Variants in SLC35F3 observed in about 807,000 individuals in gnomAD.
SLC35F3 encodes the protein putative thiamine transporter SLC35F3.
Under a neutral mutation model 49.9 loss-of-function variants are expected in SLC35F3, and 25 were observed. The observed-to-expected ratio is 0.50, with a 90% CI of 0.37 to 0.70. The LOEUF is 0.70. Among genes scored for constraint, SLC35F3 ranks in the 30% least tolerant of loss-of-function variants. The probability of loss-of-function intolerance (pLI) is 0.00; values close to 1 mark genes in which losing one functional copy is unlikely to be tolerated. For synonymous variants in SLC35F3, 275 were observed against 265.4 expected (o/e 1.04, Z -0.35); for missense variants, 525 against 639.8 (o/e 0.82, Z 1.94).
rs146628266 is a variant in SLC35F3, at chr1:234,067,821, A to G, written c.283+162063A>G. Among the ~76,000 whole-genome samples, 376 of 152,312 alleles carry G rather than the reference A, an allele frequency of 2.5e-3. 3 individuals carry two copies. The highest frequency in any genetic ancestry group is 8.5e-3 in the African/African-American group (354 of 41,578). On this transcript the variant is annotated intron_variant, in intron 2 of 7. Coordinates refer to ENST00000366618, the MANE Select transcript of SLC35F3 (RefSeq NM_173508.4). The stretch of plus-strand genomic sequence containing the variant: ...TCCAGTCCTGATTGTTCATTCACAG[A>G]GTGAGGAGCAAATGAAGGGGTCATG...
intron 2 of SLC35F3, among the ~76,000 whole-genome samples, chr1:234,153,844 C>T (rs530805101): frequency 1.8e-4 from 27 of 151,824 alleles, no homozygotes; most frequent in Non-Finnish European, 2.9e-4. Context: ...GAGGCTGAGG[C>T]GGGCGGATCA....
intron 2 of SLC35F3, among the ~76,000 whole-genome samples, chr1:234,151,577 A>T (rs558346067): frequency 6.6e-6 from 1 of 152,184 alleles, no homozygotes; most frequent in South Asian, 2.1e-4. Flanking sequence ...AGAAATGAGG[A>T]AAGAGTTCAA....
chr1:234,203,458 A>G (rs1279814969), intron 2 of SLC35F3, among the ~76,000 whole-genome samples: 1 of 152,188 alleles, frequency 6.6e-6, no homozygotes, highest in Non-Finnish European at 1.5e-5. Flanking sequence ...CATGCCTGTA[A>G]TCCCAGCACT....
At chr1:234,287,539 T>G (rs1311847876) in intron 3 of SLC35F3, among the ~76,000 whole-genome samples, 1 of 152,196 alleles carries the variant, frequency 6.6e-6, no homozygotes, top group Non-Finnish European at 1.5e-5. Context: ...ACTTACTATA[T>G]CCCAGGCACT....
Position 234,231,479 on chromosome 1 carries a change from G to A in SLC35F3, c.346G>A (p.Ala116Thr). Reference sequence around the variant, plus strand: ...GGCCCAGGCACCGGCCGGGGTGGAGGCCGGCGGGAGAGCGAGTCGCCGCTG... The same window carrying A: ...GGCCCAGGCACCGGCCGGGGTGGAGACCGGCGGGAGAGCGAGTCGCCGCTG... Reference protein sequence around the residue: ...AEAQAPAGVEAGGRASRRCWT... With the variant: ...AEAQAPAGVETGGRASRRCWT... Residue 116 changes from alanine (A) to threonine (T), a missense_variant, in exon 3 of 8, where the codon GCC becomes ACC. Physicochemically the swap from Ala to Thr is moderately conservative, Grantham distance 58. Transcript: ENST00000366618. This position sits in a 1 kb window ranked among gnomAD's most constrained non-coding sequence, Gnocchi z 5.4. The A allele has an allele frequency of 6.2e-7, 1 of 1,611,820 alleles. No individual in the cohort carries two copies. Among genetic ancestry groups the A allele is most frequent in the Non-Finnish European group, 8.5e-7 (1 of 1,179,040 alleles).
intron 2 of SLC35F3, among the ~76,000 whole-genome samples, chr1:234,206,250 G>T (rs1461153223): frequency 6.6e-6 from 1 of 152,024 alleles, no homozygotes; most frequent in Non-Finnish European, 1.5e-5. Flanking sequence ...GGTCAGGCTG[G>T]GTCAGGCATT....
At chr1:234,047,278 G>T (rs984659456) in intron 2 of SLC35F3, among the ~76,000 whole-genome samples, 1 of 152,090 alleles carries the variant, frequency 6.6e-6, no homozygotes, top group African/African-American at 2.4e-5. Context: ...CTGGATATTT[G>T]CTCAAACATT....
At chr1:233,980,637 T>G (rs2102821734) in intron 2 of SLC35F3, among the ~76,000 whole-genome samples, 1 of 152,332 alleles carries the variant, frequency 6.6e-6, no homozygotes, top group Non-Finnish European at 1.5e-5. Context: ...ATTCTCAGCT[T>G]GAAATAAGCT....
intron 2 of SLC35F3, among the ~76,000 whole-genome samples, chr1:234,086,624 C>T (rs1050719508): frequency 4.6e-5 from 7 of 152,178 alleles, no homozygotes; most frequent in East Asian, 1.9e-4. Flanking sequence ...TAATTGCACA[C>T]GGGCTGATTG....
At chr1:234,062,124 C>T (rs1480326750) in intron 2 of SLC35F3, among the ~76,000 whole-genome samples, 3 of 152,202 alleles carry the variant, frequency 2.0e-5, no homozygotes, top group East Asian at 3.8e-4. Flanking sequence ...TCTCCCCATC[C>T]CTAGGACTTG....
Position 234,033,578 on chromosome 1 carries a change from TG to T in SLC35F3, c.283+127821del, listed in dbSNP as rs1388620455. Among the ~76,000 whole-genome samples the T allele has an allele frequency of 7.2e-5, 11 of 152,340 alleles. No homozygotes were observed. The East Asian group carries it at 1.9e-3, about 27-fold the overall frequency. ...CAGTTTCATTCTTCTACATGTGACT[TG>T]CCAATTATCCCAGCACCATTTGTTG... is the stretch of plus-strand genomic sequence containing the variant. On this transcript the variant is annotated intron_variant, in intron 2 of 7. Coordinates refer to ENST00000366618, the MANE Select transcript of SLC35F3 (RefSeq NM_173508.4).
chr1:234,242,375 G>A (rs528260579), intron 3 of SLC35F3, among the ~76,000 whole-genome samples: 5 of 152,324 alleles, frequency 3.3e-5, no homozygotes, highest in Admixed American at 6.5e-5. Context: ...CCTCTGATGC[G>A]TTTTCCAGCC....
In SLC35F3 at chr1:234,231,789, T is replaced by A. The variant is rs779251735; in HGVS notation, c.608+48T>A. 6.5e-7 allele frequency: 1 copy of A among 1,538,598 alleles called. No individual in the cohort carries two copies. Among genetic ancestry groups the A allele is most frequent in the African/African-American group, 1.4e-5 (1 of 73,290 alleles). On this transcript the variant is annotated intron_variant, in intron 3 of 7. Coordinates refer to ENST00000366618, the MANE Select transcript of SLC35F3 (RefSeq NM_173508.4). The surrounding 1 kb of genome is among the most constrained non-coding windows in gnomAD (Gnocchi z 5.4). ...GGCCTCCTGACCCCGGGCTGCTCCA[T>A]CCAGCGCTGACTCTGCAGAGCTGCC...
At chr1:234,296,891 T>G (rs947272356) in intron 3 of SLC35F3, among the ~76,000 whole-genome samples, 3 of 152,204 alleles carry the variant, frequency 2.0e-5, no homozygotes, top group Non-Finnish European at 2.9e-5. Flanking sequence ...GAAACTAAAA[T>G]TTCTTGTAGG....
intron 2 of SLC35F3, among the ~76,000 whole-genome samples, chr1:234,078,670 C>T (rs985187668): frequency 6.6e-6 from 1 of 152,110 alleles, no homozygotes; most frequent in Non-Finnish European, 1.5e-5. Flanking sequence ...GACTCTAAGC[C>T]CTTTTGTGCT....
rs1207580678 is a variant in SLC35F3 at position 234,231,490 on chromosome 1, A to G, written c.357A>G (p.Arg119=). Reference sequence around the variant, plus strand: ...CGGCCGGGGTGGAGGCCGGCGGGAGAGCGAGTCGCCGCTGCTGGACGTGCT... The same window carrying G: ...CGGCCGGGGTGGAGGCCGGCGGGAGGGCGAGTCGCCGCTGCTGGACGTGCT... ...QAPAGVEAGG[R]ASRRCWTCSR... The change falls in exon 3 of 8, where the codon AGA becomes AGG. Residue 119 remains arginine (R), a synonymous_variant. Coordinates refer to ENST00000366618, the MANE Select transcript of SLC35F3 (RefSeq NM_173508.4). This position sits in a 1 kb window ranked among gnomAD's most constrained non-coding sequence, Gnocchi z 5.4. 1.2e-6 allele frequency: 2 copies of G among 1,612,312 alleles called. No homozygotes were observed. The highest frequency in any genetic ancestry group is 1.7e-6 in the Non-Finnish European group (2 of 1,179,304).
At chr1:234,115,159 AGT>A (rs1363227476) in intron 2 of SLC35F3, among the ~76,000 whole-genome samples, 1 of 152,116 alleles carries the variant, frequency 6.6e-6, no homozygotes, top group Non-Finnish European at 1.5e-5. Context: ...CCAGTAAGGA[AGT>A]GTCTAAGAAT....
intron 2 of SLC35F3, among the ~76,000 whole-genome samples, chr1:234,019,802 T>G (rs1206913286): frequency 6.6e-6 from 1 of 152,230 alleles, no homozygotes; most frequent in African/African-American, 2.4e-5. Context: ...GCAGTACATG[T>G]AATTAAAATT....
rs550815916 is a variant in SLC35F3, at chr1:233,922,793, T to A, written c.283+17035T>A. ...TTTATGGTTTTAGGTCTAACATTTA[T>A]GTCTTTAATCCATCTTGAATTAATT... On this transcript the variant is annotated intron_variant, in intron 2 of 7. Coordinates refer to ENST00000366618, the MANE Select transcript of SLC35F3 (RefSeq NM_173508.4). 4.8e-4 allele frequency among the ~76,000 whole-genome samples: 73 copies of A among 152,212 alleles called. 1 individual carries two copies. The highest frequency in any genetic ancestry group is 1.6e-3 in the African/African-American group (68 of 41,550).
Sources: gnomAD v4.1 joint callset for allele counts (sites outside exome capture counted in the v4.1 genomes callset) on GRCh38, gnomAD v4.1.1 for gene constraint, Gnocchi (gnomAD v3.1) non-coding constraint, MANE v1.5 for transcripts, NCBI Gene and HGNC (gene_info 2026-07-23, HGNC 2026-07-21) for gene names.